HELLS: variants seen among roughly 807,000 people sequenced by gnomAD.
HELLS encodes the protein lymphoid-specific helicase.
Under a neutral mutation model 120.0 loss-of-function variants are expected in HELLS, and 32 were observed. The ratio of observed to expected loss-of-function variants is 0.27; its 90% CI spans 0.20 to 0.36. The LOEUF is 0.36. HELLS is among the 10% of genes least tolerant of loss of function. The pLI, the probability that HELLS is intolerant of heterozygous loss-of-function variation, is 1.00. For missense variants in HELLS, 650 were observed against 993.4 expected (o/e 0.65, Z 4.65); for synonymous variants, 341 against 323.4 (o/e 1.05, Z -0.58).
At chr10:94,560,997 A>G (rs567785760) in intron 4 of HELLS, among the ~76,000 whole-genome samples, 9 of 151,532 alleles carry the variant, frequency 5.9e-5, no homozygotes, top group African/African-American at 1.9e-4. Flanking sequence ...CCGAGGTTGC[A>G]GTGAGCTGAG....
At chr10:94,592,714 G>T (rs1845552130) in intron 17 of HELLS, among the ~76,000 whole-genome samples, 200 bp downstream of exon 17, 4 of 151,146 alleles carry the variant, frequency 2.6e-5, no homozygotes, top group African/African-American at 9.8e-5. Flanking sequence ...ATATCTTCTG[G>T]CACAATCTTA....
At position 94,593,490 on chromosome 10, in the gene HELLS, T is replaced by C; in HGVS notation, c.1972-9T>C. ...TAATCTGTTGTATTTACATCCTTTT[T>C]GCTTTTAGATGCACAGCTTCAACAC... On this transcript the variant is annotated splice_polypyrimidine_tract_variant and intron_variant, in intron 17 of 21. Coordinates refer to ENST00000348459, the MANE Select transcript of HELLS (RefSeq NM_018063.5). 6.5e-7 allele frequency: 1 copy of C among 1,539,420 alleles called. No homozygotes were observed. Among genetic ancestry groups the C allele is most frequent in the South Asian group, 1.1e-5 (1 of 89,482 alleles).
intron 4 of HELLS, 26 bp downstream of exon 4, chr10:94,558,221 TTA>T: frequency 6.5e-7 from 1 of 1,538,540 alleles, no homozygotes; most frequent in Non-Finnish European, 8.7e-7. Flanking sequence ...GGAATATTTT[TTA>T]TGTCATTTAA....
At chr10:94,575,623 A>G in intron 9 of HELLS, among the ~76,000 whole-genome samples, 1 of 151,932 alleles carries the variant, frequency 6.6e-6, no homozygotes, top group Non-Finnish European at 1.5e-5. Context: ...GGATTTCACC[A>G]TGTTGGCCAA....
At position 94,601,841 on chromosome 10, in the gene HELLS, G is replaced by GAGT; in HGVS notation, c.*224_*226dup. 8.6e-6 allele frequency: 3 copies of GAGT among 348,390 alleles called. No homozygotes were observed. In the South Asian group the frequency reaches 1.2e-4, roughly 14 times the overall value. The allele number at this position is 348,390 out of a possible 1,614,324, so 21.6% of individuals were successfully genotyped here. ...AGATTTTCAGTTAATTTTTGAGACT[G>GAGT]AGTAGTATTCTTGGATACAGGCTGA... On this transcript the variant is annotated 3_prime_UTR_variant, in exon 22 of 22. Transcript: ENST00000348459.
downstream of HELLS, among the ~76,000 whole-genome samples, chr10:94,607,014 G>A (rs1846136511): frequency 6.6e-6 from 1 of 152,208 alleles, no homozygotes; most frequent in Admixed American, 6.5e-5. Context: ...TTGGGGTGAG[G>A]AGGAGGGACA....
intron 10 of HELLS, among the ~76,000 whole-genome samples, chr10:94,578,473 G>C (rs1211861687): frequency 6.6e-5 from 10 of 152,176 alleles, no homozygotes. Context: ...TAGGCGGGCA[G>C]ATCACTTGAG....
chr10:94,554,772 A>G (rs901872037), intron 3 of HELLS, among the ~76,000 whole-genome samples: 1 of 151,836 alleles, frequency 6.6e-6, no homozygotes, highest in Non-Finnish European at 1.5e-5. Flanking sequence ...CTCACCCTCA[A>G]CTTTGAGGAA....
At chr10:94,597,659 A>G (rs1234802279) in intron 21 of HELLS, among the ~76,000 whole-genome samples, 1 of 152,086 alleles carries the variant, frequency 6.6e-6, no homozygotes, top group African/African-American at 2.4e-5. Flanking sequence ...CAGCCTCCCT[A>G]GTAGCTAGTA....
At chr10:94,589,128 G>A (rs3758522) in intron 13 of HELLS, among the ~76,000 whole-genome samples, 72,289 of 152,010 alleles carry the variant, frequency 0.48, 17,709 homozygotes, top group East Asian at 0.78. Flanking sequence ...AGCCTGGGCA[G>A]CAAGAGCGAA....
At chr10:94,577,843 T>C (rs1263988629) in intron 10 of HELLS, among the ~76,000 whole-genome samples, 1 of 151,504 alleles carries the variant, frequency 6.6e-6, no homozygotes, top group Non-Finnish European at 1.5e-5. Context: ...GGGTGGATCA[T>C]GAGGTCAGGA....
downstream of HELLS, among the ~76,000 whole-genome samples, chr10:94,604,900 T>G (rs1443310024): frequency 6.6e-6 from 1 of 152,100 alleles, no homozygotes; most frequent in African/African-American, 2.4e-5. Flanking sequence ...GATCTCATGA[T>G]TCAGTAATAA....
chr10:94,553,844 G>A (rs1024012724), intron 2 of HELLS, among the ~76,000 whole-genome samples: 1 of 152,020 alleles, frequency 6.6e-6, no homozygotes, highest in African/African-American at 2.4e-5. Flanking sequence ...CACCGCACCC[G>A]GCCTTCAATT....
intron 6 of HELLS, chr10:94,570,601 A>G (rs1410160692): frequency 2.0e-5 from 3 of 151,662 alleles, no homozygotes; most frequent in South Asian, 2.1e-4. Flanking sequence ...TACCCTCACT[A>G]TCTTGAATGA....
At chr10:94,571,504 C>G (rs1322806318) in intron 7 of HELLS, 75 bp downstream of exon 7, 1 of 1,217,400 alleles carries the variant, frequency 8.2e-7, no homozygotes, top group African/African-American at 1.5e-5. Flanking sequence ...TTTCTTTAAT[C>G]AGCAGTATAC....
chr10:94,597,192 C>A, intron 21 of HELLS, 81 bp downstream of exon 21: 1 of 734,614 alleles, frequency 1.4e-6, no homozygotes, highest in Non-Finnish European at 2.3e-6. Flanking sequence ...TTGTGCAATT[C>A]ATTCAGCCAC....
chr10:94,596,793 G>C lies in HELLS; in HGVS notation c.2249-67G>C. 3 of 818,756 alleles carry C rather than the reference G, an allele frequency of 3.7e-6. No homozygotes were observed. In the South Asian group the frequency reaches 5.0e-5, roughly 14 times the overall value. The allele number at this position is 818,756 out of a possible 1,614,324, so 50.7% of individuals were successfully genotyped here. A position where few individuals can be genotyped will look rare whatever the true frequency, so the allele number is the denominator to read the frequency against. The stretch of plus-strand genomic sequence containing the variant: ...TTCTTAATGCAAGCCATTGTGATTG[G>C]TTTGTAATATGTTGTATTGTAGTTT... On this transcript the variant is annotated intron_variant, in intron 19 of 21. Transcript: ENST00000348459.
chr10:94,596,897 T>C lies in HELLS; in HGVS notation c.2286T>C (p.Ser762=), dbSNP rs1444125835. The C allele has an allele frequency of 8.6e-6, 13 of 1,513,974 alleles. No homozygotes were observed. Among genetic ancestry groups the C allele is most frequent in the South Asian group, 1.1e-5 (1 of 88,404 alleles). 93.8% of individuals were successfully genotyped at this position (1,513,974 alleles called of 1,614,324 possible). The change falls in exon 20 of 22, where the codon TCT becomes TCC. Residue 762 remains serine, a synonymous_variant. Transcript: ENST00000348459. ...GTGGTCAGTCTGGATTAAATCTGTC[T>C]AAGAATTTCTTAGATCCTAAGGAAT... is the stretch of plus-strand genomic sequence containing the variant. ...FKGGQSGLNL[S]KNFLDPKELM... is the part of the protein sequence containing the mutation.
chr10:94,573,941 A>T lies in HELLS; in HGVS notation c.478-19A>T. The T allele has an allele frequency of 6.8e-7, 1 of 1,461,582 alleles. No homozygotes were observed. The highest frequency in any genetic ancestry group is 9.5e-7 in the Non-Finnish European group (1 of 1,051,790). The allele number at this position is 1,461,582 out of a possible 1,614,324, so 90.5% of individuals were successfully genotyped here. A position where few individuals can be genotyped will look rare whatever the true frequency, so the allele number is the denominator to read the frequency against. On this transcript the variant is annotated intron_variant, in intron 7 of 21. Coordinates refer to ENST00000348459, the MANE Select transcript of HELLS (RefSeq NM_018063.5). ...AGCATTTTGTATAACACATCTTATT[A>T]AACTTTTTTTCTCTACAGGATGAAA...
Sources: allele counts gnomAD v4.1 joint callset (sites outside exome capture counted in the v4.1 genomes callset), GRCh38; gene constraint gnomAD v4.1.1; transcripts MANE v1.5; gene names NCBI Gene and HGNC (gene_info 2026-07-23, HGNC 2026-07-21).